APOLD1: variants seen among roughly 807,000 people sequenced by gnomAD.
APOLD1 encodes the protein apolipoprotein L domain-containing protein 1.
Under a neutral mutation model 15.3 loss-of-function variants are expected in APOLD1, and 22 were observed. The ratio of observed to expected loss-of-function variants is 1.44; its 90% CI spans 1.03 to 2.05. The LOEUF (loss-of-function observed/expected upper bound fraction) is 2.05. Ranked by LOEUF, APOLD1 falls within the 30% of genes most tolerant of loss-of-function variation. APOLD1 has a pLI of 0.00. For synonymous variants in APOLD1, 190 were observed against 167.4 expected, an observed-to-expected ratio of 1.13 and a Z score of -1.04; for missense variants, 394 against 353.5, an observed-to-expected ratio of 1.11 and a Z score of -0.92.
At position 12,789,431 on chromosome 12, in the gene APOLD1, G is replaced by A. The variant is rs1410797652; in HGVS notation, c.*1779G>A. On this transcript the variant is annotated 3_prime_UTR_variant, in exon 2 of 2. Transcript: ENST00000356591. ...TTGCATTGTGGGATATATAACTGAG[G>A]AAGCATATTTATCCTGAAGGTATTT... is the stretch of plus-strand genomic sequence containing the variant. 6.6e-6 allele frequency: 1 copy of A among 152,216 alleles called. No homozygotes were observed. Among genetic ancestry groups the A allele is most frequent in the East Asian group, 1.9e-4 (1 of 5,204 alleles). The allele number at this position is 152,216 out of a possible 1,614,324, so 9.4% of individuals were successfully genotyped here.
intron 1 of APOLD1, among the ~76,000 whole-genome samples, chr12:12,749,635 T>C (rs1254725536): frequency 1.3e-5 from 2 of 152,180 alleles, no homozygotes; most frequent in Non-Finnish European, 2.9e-5. Flanking sequence ...TTGGTGGCTT[T>C]CCGCCACCAA....
intron 1 of APOLD1, among the ~76,000 whole-genome samples, chr12:12,760,770 A>C (rs1946892618): frequency 6.6e-6 from 1 of 152,226 alleles, no homozygotes; most frequent in African/African-American, 2.4e-5. Context: ...AAAATATATG[A>C]ATAGATCATT....
chr12:12,743,622 C>G (rs1443131326), intron 1 of APOLD1, among the ~76,000 whole-genome samples: 1 of 152,196 alleles, frequency 6.6e-6, no homozygotes, highest in East Asian at 1.9e-4. Flanking sequence ...GATACACATC[C>G]TAATCCCCAG....
chr12:12,735,942 G>A (rs933137548), intron 1 of APOLD1, among the ~76,000 whole-genome samples: 1 of 152,120 alleles, frequency 6.6e-6, no homozygotes. Context: ...GTGAGATCTT[G>A]TCTCTAAACT....
chr12:12,751,224 A>C (rs946640219), intron 1 of APOLD1, among the ~76,000 whole-genome samples: 2 of 152,128 alleles, frequency 1.3e-5, no homozygotes, highest in African/African-American at 2.4e-5. Flanking sequence ...AAGGTGGGGC[A>C]AGGATGGTCC....
intron 1 of APOLD1, among the ~76,000 whole-genome samples, chr12:12,746,926 G>C (rs1946771110): frequency 6.6e-6 from 1 of 152,092 alleles, no homozygotes; most frequent in Admixed American, 6.6e-5. Context: ...AATTTGCTTA[G>C]GTTAATGGTC....
chr12:12,757,340 C>G (rs1047055558), intron 1 of APOLD1, among the ~76,000 whole-genome samples: 4 of 152,188 alleles, frequency 2.6e-5, no homozygotes, highest in African/African-American at 9.7e-5. Context: ...TGAACCACAA[C>G]AGACCACCCA....
chr12:12,742,538 G>A (rs1417372541), intron 1 of APOLD1, among the ~76,000 whole-genome samples: 2 of 152,030 alleles, frequency 1.3e-5, no homozygotes, highest in African/African-American at 4.8e-5. Flanking sequence ...AGGCCGAGGT[G>A]GGTGGATCAC....
intron 1 of APOLD1, among the ~76,000 whole-genome samples, chr12:12,737,209 TAAAC>T (rs1392542963): frequency 9.3e-6 from 1 of 107,276 alleles, no homozygotes; most frequent in African/African-American, 3.5e-5. Flanking sequence ...ATAATAGAAA[TAAAC>T]AACCCAGAGG....
intron 1 of APOLD1, among the ~76,000 whole-genome samples, chr12:12,752,086 G>A (rs11055043): frequency 2.6e-5 from 4 of 152,192 alleles, no homozygotes; most frequent in African/African-American, 9.7e-5. Flanking sequence ...GAGCTATTGA[G>A]AATAAATTTG....
chr12:12,750,443 CAT>C (rs1565429820), intron 1 of APOLD1, among the ~76,000 whole-genome samples: 1 of 149,518 alleles, frequency 6.7e-6, no homozygotes, highest in Non-Finnish European at 1.5e-5. Flanking sequence ...TTAACCCACA[CAT>C]GTAAGATAAT....
At chr12:12,778,498 T>TTA in intron 1 of APOLD1, among the ~76,000 whole-genome samples, 1 of 35,606 alleles carries the variant, frequency 2.8e-5, no homozygotes, top group African/African-American at 7.5e-5. Flanking sequence ...TTTTAATTTC[T>TTA]TTTTTTTTTT....
intron 1 of APOLD1, among the ~76,000 whole-genome samples, chr12:12,779,480 C>G (rs1947063084): frequency 6.6e-6 from 1 of 152,088 alleles, no homozygotes; most frequent in Admixed American, 6.6e-5. Context: ...TCTATTCTTA[C>G]AAAAGCTGGT....
chr12:12,772,145 A>C (rs2417233), intron 1 of APOLD1, among the ~76,000 whole-genome samples: 1 of 152,240 alleles, frequency 6.6e-6, no homozygotes, highest in East Asian at 1.9e-4. Flanking sequence ...ACCAAACCGT[A>C]TTAACAATCA....
intron 1 of APOLD1, among the ~76,000 whole-genome samples, chr12:12,748,266 G>T (rs182661791): frequency 6.6e-6 from 1 of 152,156 alleles, no homozygotes; most frequent in African/African-American, 2.4e-5. Context: ...GTGTTAGCAC[G>T]AGGTAATGTA....
intron 1 of APOLD1, among the ~76,000 whole-genome samples, chr12:12,732,681 C>T (rs1377853056): frequency 1.4e-5 from 2 of 145,456 alleles, no homozygotes; most frequent in Non-Finnish European, 3.0e-5. Context: ...GCAGAGATTA[C>T]ACTACTGCAC....
At chr12:12,746,469 C>T (rs186763688) in intron 1 of APOLD1, among the ~76,000 whole-genome samples, 1 of 151,352 alleles carries the variant, frequency 6.6e-6, no homozygotes, top group Admixed American at 6.6e-5. Context: ...GCACTCCAGC[C>T]TGGGCAACAA....
At chr12:12,767,103 G>A (rs149417868) in intron 1 of APOLD1, among the ~76,000 whole-genome samples, 25 of 151,838 alleles carry the variant, frequency 1.6e-4, no homozygotes, top group African/African-American at 5.3e-4. Flanking sequence ...AAAATCAGCC[G>A]GGTGTGGTGG....
chr12:12,781,501 G>C (rs949051188), upstream of APOLD1, among the ~76,000 whole-genome samples: 2 of 152,014 alleles, frequency 1.3e-5, no homozygotes, highest in African/African-American at 4.8e-5. Flanking sequence ...CCTCTGAAAG[G>C]CCTTGAGCGT....
Sources: gnomAD v4.1 joint callset for allele counts (sites outside exome capture counted in the v4.1 genomes callset) on GRCh38, gnomAD v4.1.1 for gene constraint, MANE v1.5 for transcripts, NCBI Gene and HGNC (gene_info 2026-07-23, HGNC 2026-07-21) for gene names.